GPC5: variants seen among roughly 807,000 people sequenced by gnomAD.
GPC5 encodes the protein glypican-5.
In GPC5, 47 loss-of-function variants were observed where a neutral mutation model predicts 53.9. The observed-to-expected ratio is 0.87, with a 90% CI of 0.69 to 1.11. The LOEUF is 1.11. Among genes scored for constraint, GPC5 ranks in the 50% most tolerant of loss-of-function variants. The probability of loss-of-function intolerance (pLI) is 0.00; values close to 1 mark genes in which losing one functional copy is unlikely to be tolerated. For missense variants in GPC5, 748 were observed against 713.1 expected, an observed-to-expected ratio of 1.05 and a Z score of -0.56; for synonymous variants, 286 against 263.3, an observed-to-expected ratio of 1.09 and a Z score of -0.84.
chr13:91,812,566 A>G (rs1193020074), intron 5 of GPC5, among the ~76,000 whole-genome samples: 6 of 152,336 alleles, frequency 3.9e-5, no homozygotes, highest in Admixed American at 6.5e-5. Flanking sequence ...TTGTAGTGGA[A>G]TCTACAATAA....
chr13:92,270,951 G>C (rs9523571), intron 7 of GPC5, among the ~76,000 whole-genome samples: 1 of 151,944 alleles, frequency 6.6e-6, no homozygotes, highest in Non-Finnish European at 1.5e-5. Context: ...CTTATGTGTG[G>C]TCTTTATGAA....
chr13:92,045,426 G>T (rs2040974281), intron 6 of GPC5, among the ~76,000 whole-genome samples: 1 of 152,118 alleles, frequency 6.6e-6, no homozygotes, highest in Admixed American at 6.5e-5. Flanking sequence ...CAGTGGTAAG[G>T]AGAAGGGAGT....
At chr13:92,318,746 C>T (rs2043196555) in intron 7 of GPC5, among the ~76,000 whole-genome samples, 1 of 152,050 alleles carries the variant, frequency 6.6e-6, no homozygotes, top group Non-Finnish European at 1.5e-5. Flanking sequence ...CTCATGTTTT[C>T]CTGTAGAATT....
intron 7 of GPC5, among the ~76,000 whole-genome samples, chr13:92,341,998 T>G (rs2043370804): frequency 6.6e-6 from 1 of 152,140 alleles, no homozygotes; most frequent in Non-Finnish European, 1.5e-5. Flanking sequence ...TGCCTTACTA[T>G]TATCCTAAAG....
At chr13:91,584,686 C>T (rs1053798005) in intron 2 of GPC5, among the ~76,000 whole-genome samples, 2 of 151,992 alleles carry the variant, frequency 1.3e-5, no homozygotes, top group Non-Finnish European at 2.9e-5. Flanking sequence ...TCAAGTGATT[C>T]TCCTGTCTCA....
At chr13:92,044,814 G>A (rs1163187646) in intron 6 of GPC5, among the ~76,000 whole-genome samples, 1 of 152,146 alleles carries the variant, frequency 6.6e-6, no homozygotes, top group African/African-American at 2.4e-5. Context: ...TCCTAAGAGA[G>A]TTTTTAATAG....
At chr13:92,140,174 A>G (rs919595783) in intron 6 of GPC5, among the ~76,000 whole-genome samples, 1 of 152,238 alleles carries the variant, frequency 6.6e-6, no homozygotes, top group African/African-American at 2.4e-5. Context: ...GAAAAACAGC[A>G]GTTGGAAGTG....
intron 7 of GPC5, among the ~76,000 whole-genome samples, chr13:92,389,899 A>G (rs968094839): frequency 5.3e-5 from 8 of 152,206 alleles, no homozygotes; most frequent in African/African-American, 1.9e-4. Flanking sequence ...ATGAACTACA[A>G]GTTGGTTGCT....
rs183060687 is a variant in GPC5 at position 91,404,819 on chromosome 13, T to C, written c.163+5610T>C. Among the ~76,000 whole-genome samples, 395 of 152,348 alleles carry C rather than the reference T, an allele frequency of 2.6e-3. 1 individual carries two copies. The highest frequency in any genetic ancestry group is 9.2e-3 in the African/African-American group (383 of 41,596). ...CAAATAAAGTAAAATAATTTTACCA[T>C]CCAGAAATAACCACCGAAATGCCTT... On this transcript the variant is annotated intron_variant, in intron 1 of 7. Coordinates refer to ENST00000377067, the MANE Select transcript of GPC5 (RefSeq NM_004466.6).
At chr13:92,552,355 A>G (rs1333674) in intron 7 of GPC5, among the ~76,000 whole-genome samples, 79,587 of 151,676 alleles carry the variant, frequency 0.52, 23,062 homozygotes, top group African/African-American at 0.78. Flanking sequence ...AAAGAAGAAC[A>G]ACAGATAAGA....
chr13:92,322,044 T>A (rs12877510), intron 7 of GPC5, among the ~76,000 whole-genome samples: 20,863 of 152,080 alleles, frequency 0.14, 1,599 homozygotes, highest in Middle Eastern at 0.2. Context: ...TATAAGCCAA[T>A]CTTAGAAGTG....
intron 7 of GPC5, among the ~76,000 whole-genome samples, chr13:92,451,176 G>GA (rs897766553): frequency 2.0e-5 from 3 of 151,854 alleles, no homozygotes; most frequent in East Asian, 1.9e-4. Flanking sequence ...GGTCCTACCA[G>GA]AAAAAAAATA....
chr13:91,849,095 C>T (rs1232121151), intron 5 of GPC5, among the ~76,000 whole-genome samples: 2 of 152,168 alleles, frequency 1.3e-5, no homozygotes, highest in Non-Finnish European at 2.9e-5. Context: ...CCTAGTATCT[C>T]TGCAACTCTT....
chr13:92,112,526 G>A (rs913884008), intron 6 of GPC5, among the ~76,000 whole-genome samples: 1 of 152,098 alleles, frequency 6.6e-6, no homozygotes, highest in Non-Finnish European at 1.5e-5. Context: ...ACTGCTCATC[G>A]AATTTGAATA....
At chr13:92,561,942 T>C (rs1167766324) in intron 7 of GPC5, among the ~76,000 whole-genome samples, 1 of 152,034 alleles carries the variant, frequency 6.6e-6, no homozygotes, top group Non-Finnish European at 1.5e-5. Context: ...AGAGATCAAC[T>C]CATTAGATAA....
intron 7 of GPC5, among the ~76,000 whole-genome samples, chr13:92,858,619 A>T (rs1879083872): frequency 6.6e-6 from 1 of 152,140 alleles, no homozygotes; most frequent in Non-Finnish European, 1.5e-5. Flanking sequence ...GCCTACACAC[A>T]GATATAGACG....
intron 7 of GPC5, among the ~76,000 whole-genome samples, chr13:92,205,189 T>G (rs1017472921): frequency 1.3e-5 from 2 of 152,276 alleles, no homozygotes; most frequent in Admixed American, 6.5e-5. Flanking sequence ...TGTTTTGTTT[T>G]TTTGTTTGTT....
intron 6 of GPC5, among the ~76,000 whole-genome samples, chr13:92,088,933 G>T (rs546437492): frequency 1.3e-5 from 2 of 152,154 alleles, no homozygotes; most frequent in South Asian, 2.1e-4. Context: ...CAATAAAAAA[G>T]AATTTAAAGA....
At chr13:91,450,595 T>C (rs532829385) in intron 2 of GPC5, among the ~76,000 whole-genome samples, 5 of 152,308 alleles carry the variant, frequency 3.3e-5, no homozygotes, top group African/African-American at 1.2e-4. Flanking sequence ...AAAAGTTTAG[T>C]GATAACCATC....
Sources: allele counts gnomAD v4.1 joint callset (sites outside exome capture counted in the v4.1 genomes callset), GRCh38; gene constraint gnomAD v4.1.1; transcripts MANE v1.5; gene names NCBI Gene and HGNC (gene_info 2026-07-23, HGNC 2026-07-21).